GPR89B: variants seen among roughly 807,000 people sequenced by gnomAD.
GPR89B encodes the protein G protein-coupled receptor 89B.
A neutral mutation model predicts 52.4 loss-of-function variants in GPR89B; 25 were observed. The observed-to-expected ratio is 0.48, with a 90% CI of 0.35 to 0.67. The LOEUF is 0.67. Among genes scored for constraint, GPR89B ranks in the 30% least tolerant of loss-of-function variants. The pLI is 0.01. For missense variants in GPR89B, 146 were observed against 450.2 expected, an observed-to-expected ratio of 0.32 and a Z score of 6.11; for synonymous variants, 52 against 151.2, an observed-to-expected ratio of 0.34 and a Z score of 4.81.
the GPR89B span, among the ~76,000 whole-genome samples, chr1:148,004,355 C>T: frequency 6.7e-6 from 1 of 150,234 alleles, no homozygotes. Context: ...TTAGTAGAGA[C>T]GGTGTTTCAC....
At chr1:147,991,301 A>G (rs1345551499) in intron 12 of GPR89B, among the ~76,000 whole-genome samples, 3 of 152,072 alleles carry the variant, frequency 2.0e-5, no homozygotes, top group African/African-American at 7.2e-5. Flanking sequence ...TTGATTTTGT[A>G]TCCTGAGACT....
chr1:148,020,656 G>T, the GPR89B span, among the ~76,000 whole-genome samples: 2 of 151,956 alleles, frequency 1.3e-5, no homozygotes, highest in African/African-American at 4.8e-5. Flanking sequence ...GGTTCTTTCC[G>T]TAGCGGAATT....
the GPR89B span, among the ~76,000 whole-genome samples, chr1:148,019,428 G>A: frequency 9.9e-5 from 15 of 151,854 alleles, no homozygotes; most frequent in African/African-American, 3.6e-4. Context: ...GTTGGAGGGT[G>A]GGGGTTGGGA....
chr1:147,982,019 G>C (rs1658291910), intron 10 of GPR89B, among the ~76,000 whole-genome samples: 1 of 151,660 alleles, frequency 6.6e-6, no homozygotes, highest in Admixed American at 6.6e-5. Flanking sequence ...GGGTAGAATT[G>C]CTGTGTCATA....
intron 10 of GPR89B, among the ~76,000 whole-genome samples, chr1:147,985,212 C>T (rs1331827697): frequency 6.6e-6 from 1 of 151,910 alleles, no homozygotes; most frequent in African/African-American, 2.4e-5. Flanking sequence ...TCTGAAATGA[C>T]CCTTTTAATA....
chr1:147,972,492 G>T (rs1657544333), intron 10 of GPR89B, among the ~76,000 whole-genome samples: 1 of 150,992 alleles, frequency 6.6e-6, no homozygotes, highest in South Asian at 2.1e-4. Context: ...ACTCTATATG[G>T]CCAGTCTTGC....
chr1:147,988,720 T>G (rs1428261367), intron 12 of GPR89B, among the ~76,000 whole-genome samples, 199 bp downstream of exon 12: 2 of 148,760 alleles, frequency 1.3e-5, no homozygotes, highest in African/African-American at 5.0e-5. Flanking sequence ...ACAAATTAGC[T>G]GGGTGTGGTG....
intron 10 of GPR89B, among the ~76,000 whole-genome samples, chr1:147,984,668 G>C (rs1658536172): frequency 1.4e-5 from 2 of 147,832 alleles, no homozygotes; most frequent in Admixed American, 6.9e-5. Context: ...TACATTTCTT[G>C]CTATGTACTG....
At chr1:147,962,303 A>T (rs1490026519) in intron 7 of GPR89B, among the ~76,000 whole-genome samples, 2 of 151,478 alleles carry the variant, frequency 1.3e-5, no homozygotes, top group Non-Finnish European at 2.9e-5. Flanking sequence ...ATGCGCCTGT[A>T]GTCCCAGCTA....
At chr1:147,997,077 A>G (rs1345735540), downstream of GPR89B, among the ~76,000 whole-genome samples, 4 of 152,342 alleles carry the variant, frequency 2.6e-5, no homozygotes, top group African/African-American at 9.6e-5. Context: ...TCACTGAACA[A>G]GCTATACATA....
At chr1:147,932,430 A>T (rs1249864649) in intron 1 of GPR89B, among the ~76,000 whole-genome samples, 1 of 152,070 alleles carries the variant, frequency 6.6e-6, no homozygotes, top group Non-Finnish European at 1.5e-5. Flanking sequence ...ATAGAAAATC[A>T]CATAGCTGTG....
chr1:147,991,144 T>C (rs1659035781), intron 12 of GPR89B, among the ~76,000 whole-genome samples: 2 of 151,058 alleles, frequency 1.3e-5, no homozygotes, highest in African/African-American at 2.5e-5. Context: ...TTTGTAGTTC[T>C]CCTTGAAGAG....
In GPR89B at chr1:147,977,252, A is replaced by C. The variant is rs1198818190; in HGVS notation, c.909+7293A>C. On this transcript the variant is annotated intron_variant, in intron 10 of 13. Transcript: ENST00000314163. ...CCATCTCAAAAAAAAAAAAAAAAAA[A>C]AAAAAAAAAACAGAATGTTGAATAT... 1.0e-3 allele frequency among the ~76,000 whole-genome samples: 153 copies of C among 151,098 alleles called. 3 individuals carry two copies. Among genetic ancestry groups the C allele is most frequent in the East Asian group, 3.3e-3 (17 of 5,164 alleles).
In GPR89B at chr1:147,988,474, A is replaced by C. The variant is rs1232408944; in HGVS notation, c.1048A>C (p.Ile350Leu). The C allele has an allele frequency of 8.0e-6, 12 of 1,491,752 alleles. No homozygotes were observed. The highest frequency in any genetic ancestry group is 1.1e-5 in the Non-Finnish European group (12 of 1,072,046). 92.4% of individuals were successfully genotyped at this position (1,491,752 alleles called of 1,614,324 possible). The change falls in exon 12 of 14, where the codon ATA becomes CTA. Residue 350 changes from isoleucine to leucine, a missense_variant. Coordinates refer to ENST00000314163, the MANE Select transcript of GPR89B (RefSeq NM_016334.5). ...ACACATTTCCTTCATTCTTGTTGGA[A>C]TAATCATCGTCACATCCATCAGAGG... Reference protein sequence around the residue: ...SQHISFILVGIIIVTSIRGLL... With the variant: ...SQHISFILVGLIIVTSIRGLL...
chr1:147,944,942 A>C (rs1211591115), intron 5 of GPR89B, among the ~76,000 whole-genome samples: 1 of 152,144 alleles, frequency 6.6e-6, no homozygotes, highest in Non-Finnish European at 1.5e-5. Context: ...CGTACCTATT[A>C]TTAGGCTTCT....
chr1:148,013,504 C>T, the GPR89B span, among the ~76,000 whole-genome samples: 5 of 152,244 alleles, frequency 3.3e-5, no homozygotes, highest in East Asian at 5.8e-4. Flanking sequence ...AGTGGTCAAA[C>T]GCGCAGAGCT....
the GPR89B span, among the ~76,000 whole-genome samples, chr1:148,000,628 G>A: frequency 4.0e-5 from 6 of 149,780 alleles, no homozygotes; most frequent in Admixed American, 6.7e-5. Context: ...CCTCTGTACC[G>A]CTTATTTTAG....
At chr1:147,982,146 G>A (rs1350128321) in intron 10 of GPR89B, among the ~76,000 whole-genome samples, 5 of 151,744 alleles carry the variant, frequency 3.3e-5, no homozygotes, top group African/African-American at 7.3e-5. Context: ...TGCAACTTCC[G>A]CCTCCCAGGT....
intron 7 of GPR89B, among the ~76,000 whole-genome samples, chr1:147,963,359 G>A (rs1337216502): frequency 0.022 from 3,248 of 150,272 alleles, 3 homozygotes; most frequent in Non-Finnish European, 0.035. Flanking sequence ...CTGGGTGACA[G>A]AGCAAGACTC....
Sources: allele counts gnomAD v4.1 joint callset (sites outside exome capture counted in the v4.1 genomes callset), GRCh38; gene constraint gnomAD v4.1.1; transcripts MANE v1.5; gene names NCBI Gene and HGNC (gene_info 2026-07-23, HGNC 2026-07-21).